The following LRBA variants were observed in gnomAD, a reference collection of about 807,000 sequenced individuals.
LRBA encodes the protein lipopolysaccharide-responsive and beige-like anchor protein.
A neutral mutation model predicts 330.0 loss-of-function variants in LRBA; 176 were observed. That is an observed-to-expected ratio of 0.53 (90% confidence interval 0.47 to 0.60). The LOEUF (loss-of-function observed/expected upper bound fraction) is 0.60, where lower values mean the gene tolerates loss of function less well. Among genes scored for constraint, LRBA ranks in the 20% least tolerant of loss-of-function variants. The pLI is 0.00. For synonymous variants in LRBA, 1,230 were observed against 1,193.0 expected, an observed-to-expected ratio of 1.03 and a Z score of -0.64; for missense variants, 3,259 against 3,444.8, an observed-to-expected ratio of 0.95 and a Z score of 1.35.
chr4:150,579,255 C>G (rs773227291), intron 40 of LRBA: 11 of 456,538 alleles, frequency 2.4e-5, no homozygotes, highest in Non-Finnish European at 4.4e-5. Context: ...TCTTCAATTA[C>G]AGCCTCCTCG....
At chr4:150,867,897 G>GAA in intron 21 of LRBA, 34 bp from the exon 22 acceptor site, 1 of 1,465,428 alleles carries the variant, frequency 6.8e-7, no homozygotes. Flanking sequence ...AATTACTGAA[G>GAA]AAAAAAAAAT....
chr4:150,458,214 A>T (rs976808259), intron 44 of LRBA, among the ~76,000 whole-genome samples: 2 of 152,002 alleles, frequency 1.3e-5, no homozygotes, highest in Non-Finnish European at 2.9e-5. Flanking sequence ...GTTTCGAAAC[A>T]CAGCCATACA....
intron 34 of LRBA, among the ~76,000 whole-genome samples, chr4:150,793,041 T>C (rs553419084): frequency 9.2e-5 from 14 of 151,482 alleles, no homozygotes; most frequent in Admixed American, 2.0e-4. Context: ...GACCACGCCA[T>C]TGCACTCCAG....
intron 36 of LRBA, among the ~76,000 whole-genome samples, chr4:150,700,781 G>A (rs1785046811): frequency 6.9e-6 from 1 of 144,838 alleles, no homozygotes; most frequent in Non-Finnish European, 1.5e-5. Flanking sequence ...TTGAGACAGA[G>A]TCTTGCTCTG....
intron 2 of LRBA, among the ~76,000 whole-genome samples, chr4:150,993,094 G>C (rs1011232751): frequency 1.3e-5 from 2 of 151,602 alleles, no homozygotes; most frequent in African/African-American, 4.9e-5. Context: ...CCCTAGCCTG[G>C]GCAACATAGC....
intron 2 of LRBA, among the ~76,000 whole-genome samples, chr4:150,950,843 G>A (rs1736761663): frequency 6.6e-6 from 1 of 152,134 alleles, no homozygotes; most frequent in South Asian, 2.1e-4. Context: ...GTCAGGCCTG[G>A]CTAAATATAT....
chr4:150,591,457 TCACATTACCCTCGTC>T (rs1219840010), intron 38 of LRBA, among the ~76,000 whole-genome samples: 1 of 152,154 alleles, frequency 6.6e-6, no homozygotes, highest in Non-Finnish European at 1.5e-5. Flanking sequence ...CTTCCTTCCT[TCACATTACCCTCGTC>T]CACATGTTCA....
At chr4:150,564,416 C>A (rs1768840181) in intron 40 of LRBA, among the ~76,000 whole-genome samples, 2 of 152,264 alleles carry the variant, frequency 1.3e-5, no homozygotes, top group Middle Eastern at 3.4e-3. Context: ...AAATGTTAGA[C>A]CTAAAACCAT....
chr4:150,319,742 C>A (rs1180682943), intron 50 of LRBA, among the ~76,000 whole-genome samples: 5 of 152,060 alleles, frequency 3.3e-5, no homozygotes, highest in African/African-American at 1.2e-4. Context: ...TATATTTAAT[C>A]AATTCTAATA....
intron 36 of LRBA, among the ~76,000 whole-genome samples, chr4:150,698,889 T>C (rs1030757675): frequency 1.3e-5 from 2 of 152,124 alleles, no homozygotes; most frequent in African/African-American, 2.4e-5. Flanking sequence ...GTATGACAAG[T>C]AAAACACATC....
intron 37 of LRBA, among the ~76,000 whole-genome samples, chr4:150,682,601 A>G (rs1332368550): frequency 6.6e-6 from 1 of 152,158 alleles, no homozygotes; most frequent in Non-Finnish European, 1.5e-5. Context: ...AAATTTTTGA[A>G]GTTTACTTTT....
At chr4:150,514,121 G>A (rs1762098992) in intron 40 of LRBA, among the ~76,000 whole-genome samples, 1 of 152,200 alleles carries the variant, frequency 6.6e-6, no homozygotes, top group African/African-American at 2.4e-5. Flanking sequence ...CACCCAGGCT[G>A]GAGTGCAATG....
At chr4:150,934,827 G>A (rs899521820) in intron 2 of LRBA, among the ~76,000 whole-genome samples, 1 of 152,032 alleles carries the variant, frequency 6.6e-6, no homozygotes, top group African/African-American at 2.4e-5. Context: ...TGGGCAACAC[G>A]GCGAAACCCC....
intron 40 of LRBA, among the ~76,000 whole-genome samples, chr4:150,538,074 A>G (rs1764876289): frequency 6.6e-6 from 1 of 152,234 alleles, no homozygotes; most frequent in South Asian, 2.1e-4. Context: ...TCAATTCAAA[A>G]CCACAATGAG....
chr4:150,315,445 G>T, intron 51 of LRBA, 116 bp downstream of exon 51: 5 of 851,510 alleles, frequency 5.9e-6, no homozygotes, highest in South Asian at 1.4e-5. Flanking sequence ...CATGCAAATG[G>T]TTTATCAGGA....
chr4:150,996,246 T>C (rs1266305567), intron 2 of LRBA, among the ~76,000 whole-genome samples: 1 of 152,204 alleles, frequency 6.6e-6, no homozygotes, highest in African/African-American at 2.4e-5. Context: ...CCCAAAGATA[T>C]GCCAAACTTT....
At chr4:150,402,061 C>T (rs1056054000) in intron 47 of LRBA, among the ~76,000 whole-genome samples, 4 of 148,218 alleles carry the variant, frequency 2.7e-5, no homozygotes, top group Non-Finnish European at 5.9e-5. Context: ...GAGGCCGAGA[C>T]GGGCAAATCA....
chr4:150,332,827 C>A (rs1355146062), intron 48 of LRBA, among the ~76,000 whole-genome samples: 1 of 152,014 alleles, frequency 6.6e-6, no homozygotes, highest in Non-Finnish European at 1.5e-5. Flanking sequence ...CAAGACATTG[C>A]AGTAAAACCA....
At chr4:150,901,198 C>T (rs1730684803) in intron 13 of LRBA, among the ~76,000 whole-genome samples, 1 of 152,102 alleles carries the variant, frequency 6.6e-6, no homozygotes, top group African/African-American at 2.4e-5. Flanking sequence ...ACTCAGGAGA[C>T]TGAGGCAAGA....
Sources: allele counts gnomAD v4.1 joint callset (sites outside exome capture counted in the v4.1 genomes callset), GRCh38; gene constraint gnomAD v4.1.1; transcripts MANE v1.5; gene names NCBI Gene and HGNC (gene_info 2026-07-23, HGNC 2026-07-21).